Variants in MBTPS1 observed in about 807,000 individuals in gnomAD.
MBTPS1 encodes membrane-bound transcription factor site-1 protease.
Under a neutral mutation model 127.8 loss-of-function variants are expected in MBTPS1, and 94 were observed. That is an observed-to-expected ratio of 0.74 (90% confidence interval 0.62 to 0.87). The LOEUF (loss-of-function observed/expected upper bound fraction) is 0.87, where lower values mean the gene tolerates loss of function less well. Among genes scored for constraint, MBTPS1 ranks in the 40% least tolerant of loss-of-function variants. The pLI, the probability that MBTPS1 is intolerant of heterozygous loss-of-function variation, is 0.00. For synonymous variants in MBTPS1, 632 were observed against 509.4 expected, an observed-to-expected ratio of 1.24 and a Z score of -3.24; for missense variants, 1,636 against 1,353.2, an observed-to-expected ratio of 1.21 and a Z score of -3.28.
intron 13 of MBTPS1, 40 bp from the exon 14 acceptor site, chr16:84,070,078 G>C (rs2151147646): frequency 6.6e-7 from 1 of 1,513,788 alleles, no homozygotes; most frequent in Non-Finnish European, 8.9e-7. Context: ...CCCTCATTGT[G>C]CAGAAAGAAA....
intron 1 of MBTPS1, among the ~76,000 whole-genome samples, chr16:84,104,923 C>T (rs111411633): frequency 1.0e-4 from 15 of 147,050 alleles, no homozygotes; most frequent in African/African-American, 4.0e-4. Flanking sequence ...TAAAAACCAA[C>T]CAACCGACCC....
At position 84,060,826 on chromosome 16, in the gene MBTPS1, C is replaced by G. The variant is rs765101146; in HGVS notation, c.2573-13G>C. On this transcript the variant is annotated splice_polypyrimidine_tract_variant and intron_variant, in intron 19 of 22. Transcript: ENST00000343411. ...AGCCAAAAGCAGTCTGCGAAGTCAA[C>G]AAGCCTGTTTAGGAATTCCTTTTTT... 6.4e-7 allele frequency: 1 copy of G among 1,553,384 alleles called. No homozygotes were observed. Among genetic ancestry groups the G allele is most frequent in the African/African-American group, 1.4e-5 (1 of 73,310 alleles).
At chr16:84,063,021 A>G (rs1470230269) in intron 19 of MBTPS1, among the ~76,000 whole-genome samples, 2 of 152,258 alleles carry the variant, frequency 1.3e-5, no homozygotes, top group East Asian at 1.9e-4. Flanking sequence ...ACTCTCCACC[A>G]CAACGCGGGA....
intron 6 of MBTPS1, among the ~76,000 whole-genome samples, chr16:84,092,211 T>A (rs1187765397): frequency 2.6e-5 from 4 of 152,168 alleles, no homozygotes; most frequent in African/African-American, 7.2e-5. Context: ...AAGTTAAGCA[T>A]TTTGGAATAG....
chr16:84,056,028 C>T lies in MBTPS1; in HGVS notation c.2939G>A (p.Ser980Asn). The T allele has an allele frequency of 1.2e-6, 2 of 1,613,578 alleles. No homozygotes were observed. The highest frequency in any genetic ancestry group is 8.5e-7 in the Non-Finnish European group (1 of 1,179,776). ...PQVRPLSPGE[S>N]GAWDIPGGIM... Reference sequence around the variant, plus strand: ...ACCTCCAGGAATGTCCCAGGCGCCGCTCTCTCCAGGGGACAAGGGCCTCAC... The same window carrying T: ...ACCTCCAGGAATGTCCCAGGCGCCGTTCTCTCCAGGGGACAAGGGCCTCAC... Residue 980 changes from serine to asparagine, a missense_variant, in exon 22 of 23, where the codon AGC (serine) becomes AAC (asparagine). By Grantham distance (46) the Ser-to-Asn change is conservative (BLOSUM62 1). Transcript: ENST00000343411.
Position 84,067,654 on chromosome 16 carries a change from G to C in MBTPS1, c.2228+13C>G, listed in dbSNP as rs201924875. On this transcript the variant is annotated intron_variant, in intron 16 of 22. Transcript: ENST00000343411. ...AAAAGTCTTATCCAAATACCAATGC[G>C]TATCAACAGTACCTTGTGTTTTCAT... 6.3e-7 allele frequency: 1 copy of C among 1,591,022 alleles called. No individual in the cohort carries two copies. The highest frequency in any genetic ancestry group is 1.7e-5 in the Admixed American group (1 of 59,044).
intron 2 of MBTPS1, among the ~76,000 whole-genome samples, chr16:84,100,515 G>C (rs2086239705): frequency 6.6e-6 from 1 of 152,096 alleles, no homozygotes; most frequent in South Asian, 2.1e-4. Context: ...TTGCACTCCA[G>C]CCTGGGCAAC....
chr16:84,091,859 A>G lies in MBTPS1; in HGVS notation c.847-11T>C. 1 of 1,404,654 alleles carries G rather than the reference A, an allele frequency of 7.1e-7. No individual in the cohort carries two copies. Among genetic ancestry groups the G allele is most frequent in the South Asian group, 1.1e-5 (1 of 86,958 alleles). The allele number at this position is 1,404,654 out of a possible 1,614,324, so 87.0% of individuals were successfully genotyped here. A position where few individuals can be genotyped will look rare whatever the true frequency, so the allele number is the denominator to read the frequency against. On this transcript the variant is annotated splice_polypyrimidine_tract_variant and intron_variant, in intron 6 of 22. Transcript: ENST00000343411. ...AGATGTGTAAGATACCTAGTTAAAT[A>G]TTATAACAGTCTGCTTAGTGTTTCA...
intron 11 of MBTPS1, among the ~76,000 whole-genome samples, chr16:84,080,171 T>C (rs1279685781): frequency 6.6e-6 from 1 of 152,154 alleles, no homozygotes; most frequent in Non-Finnish European, 1.5e-5. Flanking sequence ...ATATTAATTA[T>C]AATCCACAGA....
Position 84,085,898 on chromosome 16 carries a change from G to A in MBTPS1, c.1135-764C>T, listed in dbSNP as rs189224061. The A allele has an allele frequency of 1.8e-4, 28 of 152,038 alleles. No homozygotes were observed. In the East Asian group the frequency reaches 4.1e-3, roughly 22 times the overall value. 9.4% of individuals were successfully genotyped at this position (152,038 alleles called of 1,614,324 possible). On this transcript the variant is annotated intron_variant, in intron 9 of 22. Coordinates refer to ENST00000343411, the MANE Select transcript of MBTPS1 (RefSeq NM_003791.4). Reference sequence around the variant, plus strand: ...TTTCTTTACAAGGAAAAAAGTACACGGTATGAGTGGATGTTTCAAACGGTT... The same window carrying A: ...TTTCTTTACAAGGAAAAAAGTACACAGTATGAGTGGATGTTTCAAACGGTT...
intron 8 of MBTPS1, among the ~76,000 whole-genome samples, chr16:84,089,708 C>G (rs550808793): frequency 7.9e-5 from 12 of 152,154 alleles, no homozygotes; most frequent in Non-Finnish European, 1.3e-4. Context: ...AGTGGCAGGT[C>G]GGACCTGTCT....
rs768254937 is a variant in MBTPS1 at position 84,093,827 on chromosome 16, T to A, written c.626-6A>T. 6.3e-7 allele frequency: 1 copy of A among 1,581,150 alleles called. No individual in the cohort carries two copies. Among genetic ancestry groups the A allele is most frequent in the Non-Finnish European group, 8.7e-7 (1 of 1,149,988 alleles). On this transcript the variant is annotated splice_polypyrimidine_tract_variant and splice_region_variant and intron_variant, in intron 4 of 22. Coordinates refer to ENST00000343411, the MANE Select transcript of MBTPS1 (RefSeq NM_003791.4). ...AGCAACTCTTACATTAGCACCTTATTCGGAAAAGAAAGCAAACACAATTAT... is the reference window on the plus strand; with the variant it reads ...AGCAACTCTTACATTAGCACCTTATACGGAAAAGAAAGCAAACACAATTAT...
At chr16:84,070,089 C>T (rs780689570) in intron 13 of MBTPS1, 51 bp from the exon 14 acceptor site, 1 of 1,468,930 alleles carries the variant, frequency 6.8e-7, no homozygotes, top group South Asian at 1.4e-5. Flanking sequence ...CAGAAAGAAA[C>T]TTTCAGGTTT....
chr16:84,063,474 C>T (rs762587906), intron 18 of MBTPS1, 29 bp from the exon 19 acceptor site: 2 of 1,608,252 alleles, frequency 1.2e-6, no homozygotes, highest in African/African-American at 1.3e-5. Context: ...AAACAACAGC[C>T]ATGAGAGTTT....
chr16:84,066,767 A>C (rs1055126229), intron 16 of MBTPS1, among the ~76,000 whole-genome samples, 154 bp from the exon 17 acceptor site: 13 of 152,222 alleles, frequency 8.5e-5, no homozygotes, highest in African/African-American at 3.1e-4. Flanking sequence ...GGTTTGGGTA[A>C]AACTGCAAAT....
intron 6 of MBTPS1, 141 bp downstream of exon 6, chr16:84,093,047 A>G (rs1049753015): frequency 6.0e-5 from 40 of 661,660 alleles, no homozygotes; most frequent in Non-Finnish European, 1.0e-4. Flanking sequence ...GGAACAGTAA[A>G]CTGAGCATGC....
chr16:84,112,676 A>AC (rs1246893108), intron 1 of MBTPS1, among the ~76,000 whole-genome samples: 3 of 149,802 alleles, frequency 2.0e-5, no homozygotes, highest in Non-Finnish European at 3.0e-5. Flanking sequence ...AAAACAAAAA[A>AC]AAACAAAAAA....
intron 1 of MBTPS1, among the ~76,000 whole-genome samples, chr16:84,107,535 A>T (rs976269057): frequency 3.3e-5 from 5 of 152,236 alleles, no homozygotes; most frequent in African/African-American, 1.2e-4. Flanking sequence ...ATATGGCAAC[A>T]GATCCTGAGG....
chr16:84,066,111 G>A lies in MBTPS1; in HGVS notation c.2354-344C>T, dbSNP rs146611583. Among the ~76,000 whole-genome samples the A allele has an allele frequency of 1.1e-3, 175 of 152,290 alleles. 2 individuals are homozygous for A. Among genetic ancestry groups the A allele is most frequent in the African/African-American group, 3.9e-3 (162 of 41,558 alleles). On this transcript the variant is annotated intron_variant, in intron 17 of 22. Coordinates refer to ENST00000343411, the MANE Select transcript of MBTPS1 (RefSeq NM_003791.4). ...CAGAATGGGTAGTAAGAATGCTTACGACGTTGTTCTCAAAACCAGCTACCA... is the reference window on the plus strand; with the variant it reads ...CAGAATGGGTAGTAAGAATGCTTACAACGTTGTTCTCAAAACCAGCTACCA...
Sources: allele counts gnomAD v4.1 joint callset (sites outside exome capture counted in the v4.1 genomes callset), GRCh38; gene constraint gnomAD v4.1.1; transcripts MANE v1.5; gene names NCBI Gene and HGNC (gene_info 2026-07-23, HGNC 2026-07-21).